Variants in DYSF observed in about 807,000 individuals in gnomAD.
DYSF encodes dystrophy-associated fer-1-like 1.
DYSF carries 212 observed loss-of-function variants against 274.9 expected under a neutral mutation model. That is an observed-to-expected ratio of 0.77 (90% CI 0.69 to 0.86). The LOEUF (loss-of-function observed/expected upper bound fraction) is 0.86. DYSF is among the 40% of genes least tolerant of loss of function. The probability of loss-of-function intolerance (pLI) is 0.00; values close to 1 mark genes in which losing one functional copy is unlikely to be tolerated. For synonymous variants in DYSF, 1,091 were observed against 1,078.7 expected (o/e 1.01, Z -0.22); for missense variants, 2,666 against 2,783.2 (o/e 0.96, Z 0.95).
At chr2:71,538,057 C>T (rs1015849272) in intron 16 of DYSF, among the ~76,000 whole-genome samples, 1 of 152,234 alleles carries the variant, frequency 6.6e-6, no homozygotes, top group African/African-American at 2.4e-5. Flanking sequence ...AAGCTCTGGT[C>T]TCCACGTCAG....
chr2:71,634,023 T>G (rs1351588417), intron 41 of DYSF, among the ~76,000 whole-genome samples: 1 of 152,244 alleles, frequency 6.6e-6, no homozygotes, highest in East Asian at 1.9e-4. Flanking sequence ...GGATCAAGCC[T>G]GGAGAAATAG....
Position 71,643,945 on chromosome 2 carries a change from C to T in DYSF, c.4528-20C>T. Reference sequence around the variant, plus strand: ...GCGAGTCCTGTTTCTGAAATGGTCTCTTTCTTTCTACCCACTCAGGAGGAA... The same window carrying T: ...GCGAGTCCTGTTTCTGAAATGGTCTTTTTCTTTCTACCCACTCAGGAGGAA... On this transcript the variant is annotated intron_variant, in intron 41 of 55. Coordinates refer to ENST00000410020, the MANE Select transcript of DYSF (RefSeq NM_001130987.2). 1 of 1,589,486 alleles carries T rather than the reference C, an allele frequency of 6.3e-7. No homozygotes were observed. Among genetic ancestry groups the T allele is most frequent in the Non-Finnish European group, 8.6e-7 (1 of 1,163,216 alleles).
chr2:71,595,766 T>A (rs2152851774), intron 32 of DYSF, among the ~76,000 whole-genome samples: 1 of 152,352 alleles, frequency 6.6e-6, no homozygotes, highest in African/African-American at 2.4e-5. Context: ...TCCAAAGTGC[T>A]TGCCTCAGCT....
At chr2:71,469,069 A>T (rs1161869357) in intron 1 of DYSF, among the ~76,000 whole-genome samples, 1 of 152,210 alleles carries the variant, frequency 6.6e-6, no homozygotes, top group Non-Finnish European at 1.5e-5. Context: ...CCGATGCAGC[A>T]GGTCTGGAAG....
At chr2:71,680,678 G>T (rs539367930) in intron 53 of DYSF, among the ~76,000 whole-genome samples, 3 of 152,130 alleles carry the variant, frequency 2.0e-5, no homozygotes. Context: ...AATATATTCC[G>T]AAGTGAAAAA....
At chr2:71,506,626 G>T (rs145385211) in intron 4 of DYSF, among the ~76,000 whole-genome samples, 136 of 152,262 alleles carry the variant, frequency 8.9e-4, no homozygotes, top group African/African-American at 3.2e-3. Context: ...CCCCCAGGAA[G>T]AAAATCTTAG....
rs2152875508 is a variant in DYSF, at chr2:71,611,634, C to T, written c.4221+8C>T. 7 of 1,612,906 alleles carry T rather than the reference C, an allele frequency of 4.3e-6. No homozygotes were observed. Among genetic ancestry groups the T allele is most frequent in the Non-Finnish European group, 5.9e-6 (7 of 1,179,858 alleles). ...ACCCTCTTCATGGAAGTGGTGAGCC[C>T]CACCTCCCTACTGTCCCCTTCCAGA... On this transcript the variant is annotated splice_region_variant and intron_variant, in intron 38 of 55. Transcript: ENST00000410020.
intron 30 of DYSF, among the ~76,000 whole-genome samples, chr2:71,588,943 G>A (rs555401958): frequency 1.8e-4 from 27 of 152,288 alleles, no homozygotes; most frequent in African/African-American, 6.0e-4. Flanking sequence ...CCCCAAAGTG[G>A]TTTGTGGCTC....
At chr2:71,475,854 A>G (rs950555896) in intron 1 of DYSF, among the ~76,000 whole-genome samples, 1 of 152,122 alleles carries the variant, frequency 6.6e-6, no homozygotes, top group Non-Finnish European at 1.5e-5. Context: ...CTGCAGCCTC[A>G]AACTCCTGGG....
In DYSF at chr2:71,564,118, T is replaced by C; in HGVS notation, c.2470T>C (p.Tyr824His). The change falls in exon 24 of 56, where the codon TAC becomes CAC. Residue 824 changes from tyrosine to histidine, a missense_variant. By Grantham distance (83) the Tyr-to-His change is moderately conservative. Around this residue, in one of 3 missense-constraint regions of DYSF, gnomAD observed 412 missense variants for 504.0 expected, o/e 0.82. Transcript: ENST00000410020. ...WMLQGDKRVA[Y>H]QRVPAHQVLF... ...GCTGCAGGGAGACAAGCGTGTGGCA[T>C]ACCAGCGGGTGCCCGCCCACCAAGT... The C allele has an allele frequency of 1.2e-6, 2 of 1,614,242 alleles. No homozygotes were observed. Among genetic ancestry groups the C allele is most frequent in the South Asian group, 2.2e-5 (2 of 91,090 alleles).
chr2:71,566,396 G>A (rs2092110970), intron 24 of DYSF, among the ~76,000 whole-genome samples: 1 of 144,736 alleles, frequency 6.9e-6, no homozygotes, highest in African/African-American at 2.6e-5. Flanking sequence ...ATTGTTTCTC[G>A]AAGTCTTCCC....
chr2:71,679,028 C>T (rs1279807309), intron 52 of DYSF, 29 bp from the exon 53 acceptor site: 1 of 1,612,694 alleles, frequency 6.2e-7, no homozygotes, highest in East Asian at 2.2e-5. Context: ...TCGAGAAACC[C>T]TTGGCCAAAA....
At chr2:71,541,052 T>A (rs2089884231) in intron 17 of DYSF, among the ~76,000 whole-genome samples, 1 of 152,212 alleles carries the variant, frequency 6.6e-6, no homozygotes, top group South Asian at 2.1e-4. Context: ...AATTCCTAAA[T>A]GTGTTCTTGG....
chr2:71,471,823 A>C (rs1362496508), intron 1 of DYSF, among the ~76,000 whole-genome samples: 1 of 152,090 alleles, frequency 6.6e-6, no homozygotes, highest in African/African-American at 2.4e-5. Context: ...AAAATTAGCC[A>C]GGCATGGTGG....
rs183069383 is a variant in DYSF at position 71,544,170 on chromosome 2, G to C, written c.1576+4931G>C. ...ATGCTTTCCTGAATCTTATGGATGT[G>C]GTTTCCATATCCTGGTTGGCTCTCT... On this transcript the variant is annotated intron_variant, in intron 17 of 55. Transcript: ENST00000410020. 7.7e-4 allele frequency among the ~76,000 whole-genome samples: 117 copies of C among 152,230 alleles called. 1 individual carries two copies. Among genetic ancestry groups the C allele is most frequent in the Admixed American group, 4.8e-3 (74 of 15,302 alleles).
chr2:71,571,471 CACACACACA>C (rs1225131357), intron 29 of DYSF, among the ~76,000 whole-genome samples: 68 of 138,424 alleles, frequency 4.9e-4, no homozygotes, highest in Middle Eastern at 4.4e-3. Context: ...TCACACCCAG[CACACACACA>C]TCACACCCAG....
At chr2:71,594,278 T>C (rs977302458) in intron 32 of DYSF, among the ~76,000 whole-genome samples, 2 of 152,220 alleles carry the variant, frequency 1.3e-5, no homozygotes, top group African/African-American at 4.8e-5. Flanking sequence ...TTGTTAAGGT[T>C]GGCTCTGGCT....
At chr2:71,551,764 G>A (rs760515568) in intron 19 of DYSF, 44 bp downstream of exon 19, 2 of 1,513,278 alleles carry the variant, frequency 1.3e-6, no homozygotes, top group Admixed American at 1.9e-5. Context: ...TCGGGGCAGG[G>A]AAGGGATGGC....
intron 27 of DYSF, 34 bp from the exon 28 acceptor site, chr2:71,570,195 C>G (rs747631172): frequency 1.3e-5 from 20 of 1,583,134 alleles, no homozygotes; most frequent in Admixed American, 6.7e-5. Flanking sequence ...TGTCTGTCTC[C>G]TCTCATTGCT....
Sources: gnomAD v4.1 joint callset for allele counts (sites outside exome capture counted in the v4.1 genomes callset) on GRCh38, gnomAD v4.1.1 for gene constraint, gnomAD v4.1.1 regional missense constraint, MANE v1.5 for transcripts, NCBI Gene and HGNC (gene_info 2026-07-23, HGNC 2026-07-21) for gene names.